Variants in DEPDC1B observed in about 807,000 individuals in gnomAD.
DEPDC1B encodes the protein DEP domain-containing protein 1B.
DEPDC1B carries 51 observed loss-of-function variants against 66.5 expected under a neutral mutation model. The ratio of observed to expected loss-of-function variants is 0.77; its 90% CI spans 0.61 to 0.97. The LOEUF (loss-of-function observed/expected upper bound fraction) is 0.97, where lower values mean the gene tolerates loss of function less well. Among genes scored for constraint, DEPDC1B ranks in the 50% least tolerant of loss-of-function variants. The pLI, the probability that DEPDC1B is intolerant of heterozygous loss-of-function variation, is 0.00. For missense variants in DEPDC1B, 552 were observed against 637.1 expected (o/e 0.87, Z 1.44); for synonymous variants, 226 against 223.6 (o/e 1.01, Z -0.10).
intron 7 of DEPDC1B, among the ~76,000 whole-genome samples, chr5:60,607,526 G>T (rs920539105): frequency 1.3e-5 from 2 of 152,152 alleles, no homozygotes; most frequent in African/African-American, 4.8e-5. Flanking sequence ...GAGGGGACAT[G>T]CAGTGAGGAA....
At chr5:60,641,796 T>C (rs996324774) in intron 6 of DEPDC1B, among the ~76,000 whole-genome samples, 3 of 152,156 alleles carry the variant, frequency 2.0e-5, no homozygotes, top group African/African-American at 7.2e-5. Flanking sequence ...GCTAAGACCA[T>C]AGTACTCTGC....
chr5:60,664,701 A>T (rs1468906769), intron 2 of DEPDC1B, among the ~76,000 whole-genome samples: 2 of 152,220 alleles, frequency 1.3e-5, no homozygotes, highest in African/African-American at 4.8e-5. Context: ...GTCAGTGACA[A>T]TGGAATACTT....
chr5:60,668,137 T>TATA (rs1753933309), intron 2 of DEPDC1B, among the ~76,000 whole-genome samples: 1 of 23,450 alleles, frequency 4.3e-5, no homozygotes, highest in African/African-American at 2.0e-4. Context: ...AATGGATATT[T>TATA]TATATATATA....
chr5:60,696,044 G>T lies in DEPDC1B; in HGVS notation c.48+4002C>A, dbSNP rs192145860. 3.2e-3 allele frequency among the ~76,000 whole-genome samples: 490 copies of T among 152,228 alleles called. 1 individual carries two copies. Among genetic ancestry groups the T allele is most frequent in the Middle Eastern group, 0.01 (3 of 294 alleles). ...GATCTCCTGACCTCGTGATCCACCCGCCTCGGCCTCCCAAAGTGCTGAGAT... is the reference window on the plus strand; with the variant it reads ...GATCTCCTGACCTCGTGATCCACCCTCCTCGGCCTCCCAAAGTGCTGAGAT... On this transcript the variant is annotated intron_variant, in intron 1 of 10. Coordinates refer to ENST00000265036, the MANE Select transcript of DEPDC1B (RefSeq NM_018369.3).
chr5:60,668,124 TAA>T (rs1432648557), intron 2 of DEPDC1B, among the ~76,000 whole-genome samples: 3 of 83,568 alleles, frequency 3.6e-5, no homozygotes, highest in South Asian at 6.2e-4. Flanking sequence ...TATATATATA[TAA>T]AATGGATATT....
intron 6 of DEPDC1B, among the ~76,000 whole-genome samples, chr5:60,641,096 A>T (rs1332470177): frequency 6.6e-6 from 1 of 152,190 alleles, no homozygotes; most frequent in African/African-American, 2.4e-5. Flanking sequence ...CCTCACACAC[A>T]TGAAGATCAT....
chr5:60,668,034 ATT>A (rs1374149997), intron 2 of DEPDC1B, among the ~76,000 whole-genome samples: 9 of 110,066 alleles, frequency 8.2e-5, no homozygotes, highest in Admixed American at 1.9e-4. Flanking sequence ...TAAAATGGAT[ATT>A]TTATATATAT....
intron 2 of DEPDC1B, among the ~76,000 whole-genome samples, chr5:60,667,579 T>G (rs1753879286): frequency 6.9e-6 from 1 of 145,188 alleles, no homozygotes; most frequent in Admixed American, 6.9e-5. Flanking sequence ...AAGTGGATAT[T>G]TTACATATAT....
chr5:60,685,848 T>C (rs4315877), intron 2 of DEPDC1B, among the ~76,000 whole-genome samples: 151,539 of 152,316 alleles, frequency 0.99, 75,382 homozygotes, highest in East Asian at 1. Context: ...TCAGAATAGG[T>C]CAAGATTATC....
At chr5:60,639,754 G>A (rs1753144704) in intron 6 of DEPDC1B, among the ~76,000 whole-genome samples, 1 of 152,232 alleles carries the variant, frequency 6.6e-6, no homozygotes, top group African/African-American at 2.4e-5. Context: ...GGAGCTGCCT[G>A]TACCTTGAGG....
intron 2 of DEPDC1B, among the ~76,000 whole-genome samples, chr5:60,667,703 GTATATAAAATGGATATTTTACATATA>G (rs1561383965): frequency 5.4e-4 from 63 of 116,924 alleles, no homozygotes; most frequent in Non-Finnish European, 8.4e-4. Context: ...TATTTTACAT[GTATATAAAATGGATATTTTACATATA>G]TATAAAAAAT....
At chr5:60,675,167 C>T (rs764721488) in intron 2 of DEPDC1B, among the ~76,000 whole-genome samples, 6 of 152,166 alleles carry the variant, frequency 3.9e-5, no homozygotes, top group Admixed American at 1.3e-4. Flanking sequence ...TCACCCCTGT[C>T]GGTTTCCACT....
At chr5:60,684,944 T>A (rs1754379399) in intron 2 of DEPDC1B, among the ~76,000 whole-genome samples, 1 of 152,086 alleles carries the variant, frequency 6.6e-6, no homozygotes. Flanking sequence ...AAAGAAGACA[T>A]ACAACTGGCT....
At chr5:60,618,309 G>C (rs546136452) in intron 7 of DEPDC1B, among the ~76,000 whole-genome samples, 48 of 152,240 alleles carry the variant, frequency 3.2e-4, no homozygotes, top group African/African-American at 1.0e-3. Flanking sequence ...GAAGGAAATA[G>C]AGACACAAAA....
chr5:60,649,671 T>A (rs1302078326), intron 2 of DEPDC1B, among the ~76,000 whole-genome samples: 1 of 152,136 alleles, frequency 6.6e-6, no homozygotes, highest in Non-Finnish European at 1.5e-5. Context: ...GCCTCACAAC[T>A]GGCCAAGAGA....
chr5:60,672,900 AC>A (rs1463037262), intron 2 of DEPDC1B, among the ~76,000 whole-genome samples: 1 of 152,172 alleles, frequency 6.6e-6, no homozygotes, highest in East Asian at 1.9e-4. Flanking sequence ...AGCGACCTTA[AC>A]TGGGGAACAG....
intron 1 of DEPDC1B, among the ~76,000 whole-genome samples, chr5:60,696,235 A>C (rs1754652914): frequency 6.6e-6 from 1 of 152,240 alleles, no homozygotes; most frequent in Admixed American, 6.5e-5. Flanking sequence ...AGGATTCAGA[A>C]TGGATTAACT....
At position 60,644,478 on chromosome 5, in the gene DEPDC1B, C is replaced by T. The variant is rs758581061; in HGVS notation, c.709+267G>A. The stretch of plus-strand genomic sequence containing the variant: ...AATATTCTCACTTTTCAGAGATTTC[C>T]CTGGGAATACGAAACCACTTAATGC... On this transcript the variant is annotated intron_variant, in intron 5 of 10. Transcript: ENST00000265036. Among the ~76,000 whole-genome samples the T allele has an allele frequency of 2.6e-5, 4 of 152,202 alleles. No individual in the cohort carries two copies. In the South Asian group the frequency reaches 6.2e-4, roughly 24 times the overall value.
intron 7 of DEPDC1B, among the ~76,000 whole-genome samples, chr5:60,615,296 G>A (rs1411859853): frequency 6.6e-6 from 1 of 151,828 alleles, no homozygotes; most frequent in African/African-American, 2.4e-5. Context: ...TCGGACAGTG[G>A]GTGCAGGACA....
Sources: allele counts gnomAD v4.1 joint callset (sites outside exome capture counted in the v4.1 genomes callset), GRCh38; gene constraint gnomAD v4.1.1; transcripts MANE v1.5; gene names NCBI Gene and HGNC (gene_info 2026-07-23, HGNC 2026-07-21).